The following TMEM248 variants were observed in gnomAD, a reference collection of about 807,000 sequenced individuals.
The protein encoded by TMEM248 is UPF0458 protein C7orf42.
In TMEM248, 9 loss-of-function variants were observed where a neutral mutation model predicts 30.3. That is an observed-to-expected ratio of 0.30 (90% CI 0.18 to 0.52). The LOEUF is 0.52. TMEM248 is among the 20% of genes least tolerant of loss of function. The probability of loss-of-function intolerance (pLI) is 0.97; values close to 1 mark genes in which losing one functional copy is unlikely to be tolerated. For synonymous variants in TMEM248, 184 were observed against 154.4 expected, an observed-to-expected ratio of 1.19 and a Z score of -1.42; for missense variants, 338 against 403.3, an observed-to-expected ratio of 0.84 and a Z score of 1.39.
chr7:66,950,894 A>G, intron 4 of TMEM248, 58 bp from the exon 5 acceptor site: 22 of 1,402,980 alleles, frequency 1.6e-5, no homozygotes, highest in Non-Finnish European at 2.0e-5. Context: ...TGGGGGTGAC[A>G]CAAGTGAATG....
Position 66,923,333 on chromosome 7 carries a change from AC to A in TMEM248, c.-19+1873del, listed in dbSNP as rs748111878. ...GCTAATTTTTGTATTTTTGGTAGAG[AC>A]GAGGTTTCATGTTGTTGGCCAGGCC... On this transcript the variant is annotated intron_variant, in intron 1 of 6. Transcript: ENST00000341567. Among the ~76,000 whole-genome samples, 27 of 151,798 alleles carry A rather than the reference AC, an allele frequency of 1.8e-4. 1 individual carries two copies. Among genetic ancestry groups the A allele is most frequent in the Admixed American group, 3.3e-4 (5 of 15,224 alleles).
rs1184808259 is a variant in TMEM248, at chr7:66,953,328, A to G, written c.883A>G (p.Ser295Gly). 2 of 1,614,200 alleles carry G rather than the reference A, an allele frequency of 1.2e-6. No individual in the cohort carries two copies. The highest frequency in any genetic ancestry group is 4.5e-5 in the East Asian group (2 of 44,878). The change falls in exon 6 of 7, where the codon AGC becomes GGC. Residue 295 changes from serine (S) to glycine (G), a missense_variant. Physicochemically the swap from Ser to Gly is moderately conservative, Grantham distance 56. Transcript: ENST00000341567. ...CTATGCTGTTATCAAGGGCAGACCT[A>G]GCAAATTGCGTCAGAGCAATCCTGA... is the stretch of plus-strand genomic sequence containing the variant. ...FCYAVIKGRP[S>G]KLRQSNPEFC... is the part of the protein sequence containing the mutation.
At chr7:66,925,268 A>G (rs6460317) in intron 1 of TMEM248, among the ~76,000 whole-genome samples, 73,586 of 151,982 alleles carry the variant, frequency 0.48, 19,874 homozygotes, top group East Asian at 0.79. Flanking sequence ...TGATCCTCCC[A>G]TCTTGGCCTC....
chr7:66,953,124 G>A (rs1792312267), intron 5 of TMEM248, 102 bp from the exon 6 acceptor site: 1 of 1,323,436 alleles, frequency 7.6e-7, no homozygotes, highest in Non-Finnish European at 1.0e-6. Context: ...AAAAGTTGTG[G>A]CAAGTCTGGA....
In TMEM248 at chr7:66,956,407, C is replaced by T. The variant is rs756872748; in HGVS notation, c.*885C>T. The T allele has an allele frequency of 6.6e-6, 1 of 152,174 alleles. No homozygotes were observed. Among genetic ancestry groups the T allele is most frequent in the Non-Finnish European group, 1.5e-5 (1 of 68,040 alleles). The allele number at this position is 152,174 out of a possible 1,614,324, so 9.4% of individuals were successfully genotyped here. ...TCTAGAGTTAGAGTGACTGTTTGCT[C>T]TTCTGCTTTCTGGAATGCAGATGAC... is the stretch of plus-strand genomic sequence containing the variant. On this transcript the variant is annotated 3_prime_UTR_variant, in exon 7 of 7. Transcript: ENST00000341567.
intron 1 of TMEM248, among the ~76,000 whole-genome samples, chr7:66,933,681 T>C (rs1339327700): frequency 6.6e-6 from 1 of 152,222 alleles, no homozygotes; most frequent in Non-Finnish European, 1.5e-5. Context: ...GGTATTGCCT[T>C]TTGCTTGCTT....
Position 66,945,179 on chromosome 7 carries a change from C to T in TMEM248, c.363C>T (p.Asp121=), listed in dbSNP as rs1211589829. The T allele has an allele frequency of 3.1e-6, 5 of 1,614,210 alleles. No individual in the cohort carries two copies. The highest frequency in any genetic ancestry group is 4.2e-6 in the Non-Finnish European group (5 of 1,180,046). Residue 121 remains aspartate (D), a synonymous_variant, in exon 3 of 7, where the codon GAC becomes GAT. Transcript: ENST00000341567. The part of the protein sequence containing the change: ...NISVSITLTL[D]PLKPFGGYSR... Reference sequence around the variant, plus strand: ...CAGTCTCAATCACCCTAACCCTGGACCCACTGAAACCCTTCGGAGGGTATT... The same window carrying T: ...CAGTCTCAATCACCCTAACCCTGGATCCACTGAAACCCTTCGGAGGGTATT...
intron 3 of TMEM248, among the ~76,000 whole-genome samples, chr7:66,947,742 A>C (rs1206099929): frequency 6.6e-6 from 1 of 151,364 alleles, no homozygotes; most frequent in African/African-American, 2.4e-5. Flanking sequence ...TTAATTTTTT[A>C]TTTTAATTTA....
rs532888508 is a variant in TMEM248, at chr7:66,946,343, C to T, written c.445+1082C>T. Among the ~76,000 whole-genome samples, 44 of 151,904 alleles carry T rather than the reference C, an allele frequency of 2.9e-4. 1 individual carries two copies. The highest frequency in any genetic ancestry group is 5.1e-4 in the African/African-American group (21 of 41,442). ...CTGTAATCCCAGCACTTTGGGAGGC[C>T]GAGGTGGGTGGATCACTTGAGGTCA... On this transcript the variant is annotated intron_variant, in intron 3 of 6. Coordinates refer to ENST00000341567, the MANE Select transcript of TMEM248 (RefSeq NM_017994.5).
chr7:66,948,683 C>T lies in TMEM248; in HGVS notation c.585C>T (p.Phe195=). The T allele has an allele frequency of 6.2e-7, 1 of 1,610,430 alleles. No individual in the cohort carries two copies. The highest frequency in any genetic ancestry group is 1.7e-4 in the Middle Eastern group (1 of 5,984). ...CMTLTASPGV[F]PVTVQPPHCV... ...CCCTCACGGCCAGCCCTGGGGTGTT[C>T]CCCGTCACTGTGTAAGTGTACCCGG... Residue 195 remains phenylalanine, a synonymous_variant, in exon 4 of 7, where the codon TTC becomes TTT. Transcript: ENST00000341567.
At position 66,948,672 on chromosome 7, in the gene TMEM248, C is replaced by G; in HGVS notation, c.574C>G (p.Pro192Ala). 1 of 1,612,194 alleles carries G rather than the reference C, an allele frequency of 6.2e-7. No individual in the cohort carries two copies. Among genetic ancestry groups the G allele is most frequent in the Non-Finnish European group, 8.5e-7 (1 of 1,178,466 alleles). Residue 192 changes from proline (P) to alanine (A), a missense_variant, in exon 4 of 7, where the codon CCT becomes GCT. Physicochemically the swap from Pro to Ala is conservative, Grantham distance 27. Coordinates refer to ENST00000341567, the MANE Select transcript of TMEM248 (RefSeq NM_017994.5). ...FTACMTLTASPGVFPVTVQPP... is the reference protein window; with the variant it reads ...FTACMTLTASAGVFPVTVQPP... ...AGCCTGCATGACCCTCACGGCCAGC[C>G]CTGGGGTGTTCCCCGTCACTGTGTA... is the stretch of plus-strand genomic sequence containing the variant.
intron 3 of TMEM248, 44 bp downstream of exon 3, chr7:66,945,305 T>C (rs377250034): frequency 1.3e-6 from 2 of 1,590,462 alleles, no homozygotes; most frequent in Non-Finnish European, 1.7e-6. Context: ...AGGCAACCAC[T>C]GTTACAAAAA....
At chr7:66,944,026 C>G (rs1349907893) in intron 2 of TMEM248, among the ~76,000 whole-genome samples, 2 of 151,632 alleles carry the variant, frequency 1.3e-5, no homozygotes, top group African/African-American at 4.8e-5. Flanking sequence ...AACTCCTGGC[C>G]TCAAGTGATC....
intron 3 of TMEM248, among the ~76,000 whole-genome samples, chr7:66,946,085 C>CAA (rs34151581): frequency 3.6e-4 from 37 of 104,154 alleles, no homozygotes; most frequent in South Asian, 1.5e-3. Context: ...ACTCTCTCTC[C>CAA]AAAAAAAAAA....
chr7:66,922,958 G>A (rs978591849), intron 1 of TMEM248, among the ~76,000 whole-genome samples: 1 of 151,906 alleles, frequency 6.6e-6, no homozygotes, highest in Admixed American at 6.6e-5. Flanking sequence ...CATCCTCCTC[G>A]GCCTCCCAAA....
At chr7:66,927,161 A>G (rs1224995609) in intron 1 of TMEM248, among the ~76,000 whole-genome samples, 2 of 152,322 alleles carry the variant, frequency 1.3e-5, no homozygotes, top group South Asian at 4.1e-4. Context: ...ATTATTTTCC[A>G]TCTTGAGACT....
chr7:66,950,889 G>A, intron 4 of TMEM248, 63 bp from the exon 5 acceptor site: 2 of 1,365,062 alleles, frequency 1.5e-6, no homozygotes, highest in Non-Finnish European at 9.7e-7. Flanking sequence ...TGCTGTGGGG[G>A]TGACACAAGT....
At chr7:66,947,061 A>T (rs906478211) in intron 3 of TMEM248, among the ~76,000 whole-genome samples, 6 of 151,938 alleles carry the variant, frequency 3.9e-5, no homozygotes, top group African/African-American at 1.4e-4. Flanking sequence ...AAAAAATTAA[A>T]AAAATTAACC....
intron 5 of TMEM248, among the ~76,000 whole-genome samples, chr7:66,952,085 AT>A (rs937084509): frequency 2.7e-5 from 4 of 147,792 alleles, no homozygotes; most frequent in Admixed American, 6.7e-5. Flanking sequence ...CTTTATTTTA[AT>A]TTTTTTTTAT....
Sources: allele counts gnomAD v4.1 joint callset (sites outside exome capture counted in the v4.1 genomes callset), GRCh38; gene constraint gnomAD v4.1.1; transcripts MANE v1.5; gene names NCBI Gene and HGNC (gene_info 2026-07-23, HGNC 2026-07-21).